TMEM114: variants seen among roughly 807,000 people sequenced by gnomAD.
TMEM114 encodes the protein claudin-26.
In TMEM114, 6 loss-of-function variants were observed where a neutral mutation model predicts 6.2. The observed-to-expected ratio is 0.97, with a 90% CI of 0.53 to 1.91. The LOEUF (loss-of-function observed/expected upper bound fraction) is 1.91, where lower values mean the gene tolerates loss of function less well. Among genes scored for constraint, TMEM114 ranks in the 40% most tolerant of loss-of-function variants. The pLI is 0.01. For synonymous variants in TMEM114, 104 were observed against 73.0 expected, an observed-to-expected ratio of 1.42 and a Z score of -2.16; for missense variants, 218 against 158.3, an observed-to-expected ratio of 1.38 and a Z score of -2.02.
intron 2 of TMEM114, among the ~76,000 whole-genome samples, chr16:8,545,954 A>T (rs997973237): frequency 2.0e-5 from 3 of 152,108 alleles, no homozygotes; most frequent in Non-Finnish European, 2.9e-5. Context: ...ATCTCTACAG[A>T]AAATTTAAAA....
intron 3 of TMEM114, among the ~76,000 whole-genome samples, chr16:8,570,594 C>T (rs368214166): frequency 1.3e-4 from 20 of 152,244 alleles, no homozygotes; most frequent in African/African-American, 4.8e-4. Context: ...TGCCTCCTAA[C>T]GTGCTGGGAT....
At chr16:8,583,509 C>T (rs1162409401) in intron 2 of TMEM114, among the ~76,000 whole-genome samples, 1 of 152,108 alleles carries the variant, frequency 6.6e-6, no homozygotes, top group Non-Finnish European at 1.5e-5. Flanking sequence ...CTTTGGGAGG[C>T]CAAGGCAGGA....
At chr16:8,561,736 A>C (rs1901208827) in intron 2 of TMEM114, among the ~76,000 whole-genome samples, 1 of 151,926 alleles carries the variant, frequency 6.6e-6, no homozygotes. Flanking sequence ...GGAGGAAGGC[A>C]ATGAGTGGGG....
downstream of TMEM114, among the ~76,000 whole-genome samples, chr16:8,535,777 G>A (rs1469872326): frequency 6.6e-6 from 1 of 152,154 alleles, no homozygotes; most frequent in Admixed American, 6.5e-5. Context: ...ACTGCGTAGG[G>A]AGCCCTGCCA....
chr16:8,583,850 C>T (rs1462526108), intron 2 of TMEM114, among the ~76,000 whole-genome samples: 1 of 152,192 alleles, frequency 6.6e-6, no homozygotes, highest in Admixed American at 6.5e-5. Flanking sequence ...ATGACAGCAC[C>T]TTGAGCTGCC....
chr16:8,587,681 C>G (rs1902357716), intron 2 of TMEM114, among the ~76,000 whole-genome samples: 1 of 152,146 alleles, frequency 6.6e-6, no homozygotes, highest in South Asian at 2.1e-4. Context: ...TTTTTTTATC[C>G]CCAGCCTCAG....
At chr16:8,531,248 T>C in the TMEM114 span, among the ~76,000 whole-genome samples, 2 of 152,254 alleles carry the variant, frequency 1.3e-5, no homozygotes, top group Admixed American at 1.3e-4. Context: ...ATTGACATTC[T>C]TTATGAGTCC....
At chr16:8,539,965 A>G (rs3923444) in intron 2 of TMEM114, among the ~76,000 whole-genome samples, 40,087 of 151,788 alleles carry the variant, frequency 0.26, 6,199 homozygotes, top group African/African-American at 0.43. Flanking sequence ...TTACAGGCAC[A>G]TGCCACCATG....
chr16:8,529,737 A>G, the TMEM114 span, among the ~76,000 whole-genome samples: 10 of 152,100 alleles, frequency 6.6e-5, no homozygotes, highest in African/African-American at 2.4e-4. Flanking sequence ...CTTAAAAAAA[A>G]AAAAAAAGTC....
chr16:8,528,266 A>T, the TMEM114 span, among the ~76,000 whole-genome samples: 1 of 152,040 alleles, frequency 6.6e-6, no homozygotes, highest in Non-Finnish European at 1.5e-5. Flanking sequence ...ACACACACGC[A>T]CACACTCTTT....
At chr16:8,534,787 C>G (rs1040262156), downstream of TMEM114, among the ~76,000 whole-genome samples, 2 of 152,194 alleles carry the variant, frequency 1.3e-5, no homozygotes, top group Non-Finnish European at 2.9e-5. Flanking sequence ...GAGTTATCAT[C>G]GCTATGGTTG....
chr16:8,552,017 A>G (rs994019838), intron 2 of TMEM114, among the ~76,000 whole-genome samples: 9 of 152,188 alleles, frequency 5.9e-5, no homozygotes, highest in Admixed American at 2.0e-4. Context: ...TTTATATAAC[A>G]TTCTCAAAAT....
At chr16:8,581,703 C>T (rs1191740894) in intron 2 of TMEM114, among the ~76,000 whole-genome samples, 1 of 152,264 alleles carries the variant, frequency 6.6e-6, no homozygotes, top group Admixed American at 6.5e-5. Context: ...ATCCGCCCAC[C>T]TTGGCCTCCC....
downstream of TMEM114, among the ~76,000 whole-genome samples, chr16:8,535,306 T>G (rs112949648): frequency 2.6e-3 from 390 of 152,338 alleles, 1 homozygote; most frequent in African/African-American, 9.0e-3. Context: ...TTTTTATTAT[T>G]ACTTTGATTC....
At chr16:8,582,749 G>A (rs556647524) in intron 2 of TMEM114, among the ~76,000 whole-genome samples, 1 of 152,298 alleles carries the variant, frequency 6.6e-6, no homozygotes, top group East Asian at 1.9e-4. Context: ...AATGATCTGG[G>A]CATGGTGGTG....
In TMEM114 at chr16:8,569,532, A is replaced by G; in HGVS notation, c.*241T>C. ...AAAGGATCGTTTTTATTTCTCGCGA[A>G]GCGGTTTGGCACTCCCTCGGGCTCC... On this transcript the variant is annotated 3_prime_UTR_variant, in exon 4 of 4. Coordinates refer to ENST00000620492, the MANE Select transcript of TMEM114 (RefSeq NM_001146336.2). 7.2e-7 allele frequency: 1 copy of G among 1,393,046 alleles called. No homozygotes were observed. The highest frequency in any genetic ancestry group is 9.3e-7 in the Non-Finnish European group (1 of 1,075,542). 86.3% of individuals were successfully genotyped at this position (1,393,046 alleles called of 1,614,324 possible). A position where few individuals can be genotyped will look rare whatever the true frequency, so the allele number is the denominator to read the frequency against.
intron 2 of TMEM114, among the ~76,000 whole-genome samples, chr16:8,542,594 C>T (rs1426866657): frequency 2.0e-5 from 3 of 152,094 alleles, no homozygotes; most frequent in Non-Finnish European, 2.9e-5. Flanking sequence ...GGCTTTATAA[C>T]GTTCTAAATA....
intron 2 of TMEM114, among the ~76,000 whole-genome samples, chr16:8,564,308 A>ATG: frequency 6.7e-6 from 1 of 148,436 alleles, no homozygotes; most frequent in Non-Finnish European, 1.5e-5. Context: ...TGAGTGATGA[A>ATG]ATAAGTGAAT....
In TMEM114 at chr16:8,539,214, G is replaced by T. The variant is rs535686400; in HGVS notation, n.213-1388C>A. ...CTGAATAAACGTTTGAGGATCCCTG[G>T]GCCAACTGCCCTCAGGGTGCTTCCA... is the stretch of plus-strand genomic sequence containing the variant. On this transcript the variant is annotated intron_variant and non_coding_transcript_variant, in intron 2 of 2. Coordinates refer to the TMEM114 transcript ENST00000623677. 3.3e-5 allele frequency among the ~76,000 whole-genome samples: 5 copies of T among 152,114 alleles called. No individual in the cohort carries two copies. In the South Asian group the frequency reaches 8.3e-4, roughly 25 times the overall value.
Sources: gnomAD v4.1 joint callset for allele counts (sites outside exome capture counted in the v4.1 genomes callset) on GRCh38, gnomAD v4.1.1 for gene constraint, MANE v1.5 for transcripts, NCBI Gene and HGNC (gene_info 2026-07-23, HGNC 2026-07-21) for gene names.